MARCHF5: variants seen among roughly 807,000 people sequenced by gnomAD.
MARCHF5 encodes membrane associated ring-CH-type finger 5.
Under a neutral mutation model 36.5 loss-of-function variants are expected in MARCHF5, and 5 were observed. The ratio of observed to expected loss-of-function variants is 0.14; its 90% CI spans 0.07 to 0.29. MARCHF5 has a LOEUF of 0.29. Ranked by LOEUF, MARCHF5 falls within the 10% of genes least tolerant of loss-of-function variation. The pLI, the probability that MARCHF5 is intolerant of heterozygous loss-of-function variation, is 1.00. For synonymous variants in MARCHF5, 103 were observed against 109.9 expected (o/e 0.94, Z 0.39); for missense variants, 179 against 336.3 (o/e 0.53, Z 3.66).
chr10:92,322,990 C>T (rs1843310350), intron 2 of MARCHF5, among the ~76,000 whole-genome samples: 1 of 152,160 alleles, frequency 6.6e-6, no homozygotes, highest in African/African-American at 2.4e-5. Context: ...CCCACCTTGG[C>T]CTCCCAAAGT....
chr10:92,342,161 C>G (rs1205981426), intron 3 of MARCHF5, among the ~76,000 whole-genome samples: 1 of 149,782 alleles, frequency 6.7e-6, no homozygotes, highest in African/African-American at 2.5e-5. Flanking sequence ...CACAAACCGC[C>G]CCCCGACAAA....
intron 2 of MARCHF5, among the ~76,000 whole-genome samples, chr10:92,318,357 CG>C (rs1843240307): frequency 6.7e-6 from 1 of 149,970 alleles, no homozygotes; most frequent in Non-Finnish European, 1.5e-5. Context: ...ACCCGAGAGG[CG>C]GAGGTTTCAG....
rs1843715792 is a variant in MARCHF5 at position 92,351,694 on chromosome 10, T to C, written c.*487T>C. ...GAGGAAATGTAAATTAAATTAGTTATAAATAAATAACCAAAAATGTATGTA... is the reference window on the plus strand; with the variant it reads ...GAGGAAATGTAAATTAAATTAGTTACAAATAAATAACCAAAAATGTATGTA... On this transcript the variant is annotated 3_prime_UTR_variant, in exon 6 of 6. Coordinates refer to ENST00000358935, the MANE Select transcript of MARCHF5 (RefSeq NM_017824.5). 6.5e-6 allele frequency: 1 copy of C among 152,672 alleles called. No individual in the cohort carries two copies. Among genetic ancestry groups the C allele is most frequent in the Non-Finnish European group, 1.5e-5 (1 of 68,062 alleles). 9.5% of individuals were successfully genotyped at this position (152,672 alleles called of 1,614,324 possible).
At chr10:92,322,207 G>A (rs1240369626) in intron 2 of MARCHF5, among the ~76,000 whole-genome samples, 1 of 117,048 alleles carries the variant, frequency 8.5e-6, no homozygotes, top group Non-Finnish European at 1.6e-5. Context: ...TCACACCACT[G>A]CACTCCAGCC....
intron 1 of MARCHF5, among the ~76,000 whole-genome samples, chr10:92,303,450 G>C: frequency 6.6e-6 from 1 of 151,808 alleles, no homozygotes; most frequent in East Asian, 1.9e-4. Context: ...GTTTCATCCT[G>C]TTTCTTGGTC....
intron 1 of MARCHF5, among the ~76,000 whole-genome samples, chr10:92,302,426 GTTTTCTT>G (rs1235978884): frequency 1.4e-5 from 2 of 144,976 alleles, no homozygotes; most frequent in Non-Finnish European, 1.5e-5. Context: ...GCAACACGTA[GTTTTCTT>G]TTTTCTTTTT....
intron 2 of MARCHF5, among the ~76,000 whole-genome samples, chr10:92,327,351 T>C (rs1459161063): frequency 6.6e-6 from 1 of 151,514 alleles, no homozygotes; most frequent in African/African-American, 2.4e-5. Context: ...AAAGAGCTTT[T>C]TAAAAAAAAA....
chr10:92,300,988 C>T (rs747005386), intron 1 of MARCHF5, among the ~76,000 whole-genome samples: 9 of 149,808 alleles, frequency 6.0e-5, no homozygotes, highest in Non-Finnish European at 5.9e-5. Context: ...CGGGTTCAAG[C>T]GATTCTCATG....
intron 2 of MARCHF5, among the ~76,000 whole-genome samples, chr10:92,313,962 G>T (rs1201865848): frequency 6.6e-6 from 1 of 152,152 alleles, no homozygotes; most frequent in African/African-American, 2.4e-5. Flanking sequence ...TGAGGCTCAG[G>T]TGGGTGGATT....
intron 1 of MARCHF5, among the ~76,000 whole-genome samples, chr10:92,295,677 G>C (rs552207106): frequency 6.6e-6 from 1 of 151,894 alleles, no homozygotes; most frequent in South Asian, 2.1e-4. Context: ...CACAGTGCTG[G>C]GATTACAGGC....
intron 2 of MARCHF5, among the ~76,000 whole-genome samples, chr10:92,325,560 C>T (rs1843346858): frequency 6.6e-6 from 1 of 152,126 alleles, no homozygotes; most frequent in Non-Finnish European, 1.5e-5. Flanking sequence ...TTTCTAATAG[C>T]AATTTTGTCA....
At chr10:92,331,759 C>T (rs1041012590) in intron 2 of MARCHF5, among the ~76,000 whole-genome samples, 3 of 150,886 alleles carry the variant, frequency 2.0e-5, no homozygotes, top group Admixed American at 6.6e-5. Flanking sequence ...TAAGGAACTA[C>T]TGTGGTGATC....
intron 2 of MARCHF5, among the ~76,000 whole-genome samples, chr10:92,329,563 A>T (rs1192319840): frequency 1.3e-5 from 2 of 152,146 alleles, no homozygotes; most frequent in African/African-American, 4.8e-5. Flanking sequence ...CACTCACATG[A>T]ACTCAACCTA....
At chr10:92,312,952 T>C (rs892417666) in intron 2 of MARCHF5, among the ~76,000 whole-genome samples, 1 of 152,246 alleles carries the variant, frequency 6.6e-6, no homozygotes. Context: ...AGAGTAAATC[T>C]TGGCTGGGCG....
intron 5 of MARCHF5, 53 bp downstream of exon 5, chr10:92,349,890 A>G (rs1843697512): frequency 1.4e-6 from 2 of 1,465,942 alleles, no homozygotes; most frequent in Admixed American, 1.9e-5. Flanking sequence ...AATGAAGTGT[A>G]TTTGTTTTTA....
At chr10:92,302,444 T>A (rs1324137818) in intron 1 of MARCHF5, among the ~76,000 whole-genome samples, 24 of 54,860 alleles carry the variant, frequency 4.4e-4, no homozygotes, top group Admixed American at 1.2e-3. Context: ...TTTTCTTTTT[T>A]TTTCTTTTTT....
Position 92,295,697 on chromosome 10 carries a change from C to T in MARCHF5, c.35+4168C>T, listed in dbSNP as rs565793718. Among the ~76,000 whole-genome samples the T allele has an allele frequency of 5.9e-5, 9 of 152,034 alleles. No homozygotes were observed. The East Asian group carries it at 1.4e-3, about 23-fold the overall frequency. ...TGCTGGGATTACAGGCGTGAGCCACCGTGCCTGGCCTGTGGCAACTTCTTA... is the reference window on the plus strand; with the variant it reads ...TGCTGGGATTACAGGCGTGAGCCACTGTGCCTGGCCTGTGGCAACTTCTTA... On this transcript the variant is annotated intron_variant, in intron 1 of 5. Transcript: ENST00000358935.
chr10:92,334,044 G>A (rs942955426), intron 2 of MARCHF5, among the ~76,000 whole-genome samples: 1 of 152,262 alleles, frequency 6.6e-6, no homozygotes. Flanking sequence ...AAAAAAATTA[G>A]CTAGGTGTGG....
chr10:92,300,067 G>A (rs996071971), intron 1 of MARCHF5, among the ~76,000 whole-genome samples: 4 of 151,864 alleles, frequency 2.6e-5, no homozygotes, highest in African/African-American at 7.3e-5. Context: ...AGGCTGAAGC[G>A]GGAGGTTCAC....
Sources: gnomAD v4.1 joint callset for allele counts (sites outside exome capture counted in the v4.1 genomes callset) on GRCh38, gnomAD v4.1.1 for gene constraint, MANE v1.5 for transcripts, NCBI Gene and HGNC (gene_info 2026-07-23, HGNC 2026-07-21) for gene names.